Variants in MMS22L observed in about 807,000 individuals in gnomAD.
MMS22L encodes MMS22 like, DNA repair protein.
Under a neutral mutation model 159.1 loss-of-function variants are expected in MMS22L, and 74 were observed. That is an observed-to-expected ratio of 0.47 (90% CI 0.39 to 0.56). MMS22L has a LOEUF of 0.56. MMS22L is among the 20% of genes least tolerant of loss of function. The pLI is 0.00. For missense variants in MMS22L, 1,351 were observed against 1,422.1 expected (o/e 0.95, Z 0.80); for synonymous variants, 517 against 506.9 (o/e 1.02, Z -0.27).
intron 22 of MMS22L, among the ~76,000 whole-genome samples, chr6:97,159,191 C>G (rs1309297852): frequency 2.7e-5 from 4 of 150,816 alleles, no homozygotes; most frequent in Non-Finnish European, 5.9e-5. Context: ...TTATTTTGAG[C>G]CTTTGCACAT....
At chr6:97,188,399 C>T (rs1440956924) in intron 14 of MMS22L, among the ~76,000 whole-genome samples, 1 of 152,130 alleles carries the variant, frequency 6.6e-6, no homozygotes, top group African/African-American at 2.4e-5. Flanking sequence ...TGATCGACCT[C>T]TATATATGTG....
chr6:97,231,478 T>A lies in MMS22L; in HGVS notation c.1477A>T (p.Lys493Ter). Residue 493 changes from lysine (K) to a stop codon, truncating the protein, a stop_gained, in exon 13 of 25, where the codon AAA (lysine) becomes TAA (stop). Coordinates refer to ENST00000683635, the MANE Select transcript of MMS22L (RefSeq NM_001350599.2). LOFTEE classifies it high-confidence loss of function. ...IFLCILAKVV[K>*]KAMKSNGPHP... Reference sequence around the variant, plus strand: ...GGGCCATTGCTCTTCATTGCTTTTTTAACAACTTTTGCCAGAATACAAAGA... The same window carrying A: ...GGGCCATTGCTCTTCATTGCTTTTTAAACAACTTTTGCCAGAATACAAAGA... The A allele has an allele frequency of 6.2e-7, 1 of 1,613,844 alleles. No homozygotes were observed. Among genetic ancestry groups the A allele is most frequent in the Non-Finnish European group, 8.5e-7 (1 of 1,179,866 alleles).
intron 21 of MMS22L, among the ~76,000 whole-genome samples, chr6:97,162,369 C>T (rs1286191814): frequency 1.3e-5 from 2 of 151,958 alleles, no homozygotes; most frequent in Non-Finnish European, 2.9e-5. Context: ...CTGGTGTGTT[C>T]TGAGGGCCAA....
chr6:97,273,140 CCGG>C (rs1815921881), intron 4 of MMS22L, 78 bp from the exon 5 acceptor site: 1 of 1,107,710 alleles, frequency 9.0e-7, no homozygotes, highest in African/African-American at 1.6e-5. Context: ...GTAAGCCATA[CCGG>C]CAGCAATTCT....
At chr6:97,148,416 T>C (rs1165848577) in intron 24 of MMS22L, among the ~76,000 whole-genome samples, 2 of 152,148 alleles carry the variant, frequency 1.3e-5, no homozygotes, top group African/African-American at 2.4e-5. Context: ...GGCTTCCTTA[T>C]TGCAGGAGAC....
At chr6:97,174,577 G>A (rs1341689978) in intron 18 of MMS22L, among the ~76,000 whole-genome samples, 1 of 152,130 alleles carries the variant, frequency 6.6e-6, no homozygotes, top group Non-Finnish European at 1.5e-5. Context: ...AGGAAGTGAG[G>A]CCTTGGGAGA....
chr6:97,172,728 T>C (rs1247794218), intron 19 of MMS22L, among the ~76,000 whole-genome samples: 3 of 152,142 alleles, frequency 2.0e-5, no homozygotes, highest in Non-Finnish European at 4.4e-5. Flanking sequence ...ATTCTAACAA[T>C]AGATAAGCGT....
At chr6:97,215,114 A>ATATATT (rs1209431095) in intron 14 of MMS22L, among the ~76,000 whole-genome samples, 3 of 87,218 alleles carry the variant, frequency 3.4e-5, no homozygotes, top group South Asian at 3.9e-4. Flanking sequence ...ATATATATAT[A>ATATATT]TTTTTTTTTT....
chr6:97,278,316 T>A (rs1041877552), intron 4 of MMS22L, among the ~76,000 whole-genome samples: 5 of 150,332 alleles, frequency 3.3e-5, no homozygotes, highest in African/African-American at 1.2e-4. Flanking sequence ...GGCAGGAGAA[T>A]CACTTGAACC....
intron 10 of MMS22L, among the ~76,000 whole-genome samples, chr6:97,252,464 G>A (rs1332711336): frequency 6.6e-6 from 1 of 151,860 alleles, no homozygotes; most frequent in Non-Finnish European, 1.5e-5. Flanking sequence ...GGCCAACATG[G>A]TGAAACCCCA....
At chr6:97,234,452 AG>A (rs1283463028) in intron 11 of MMS22L, among the ~76,000 whole-genome samples, 1 of 152,180 alleles carries the variant, frequency 6.6e-6, no homozygotes, top group Non-Finnish European at 1.5e-5. Flanking sequence ...TTAACCTTTT[AG>A]GAGATAACAG....
At chr6:97,161,485 T>C (rs1005042529) in intron 22 of MMS22L, among the ~76,000 whole-genome samples, 2 of 151,974 alleles carry the variant, frequency 1.3e-5, no homozygotes, top group African/African-American at 4.8e-5. Context: ...GGATTACAGG[T>C]GTGAGCCATT....
intron 14 of MMS22L, among the ~76,000 whole-genome samples, chr6:97,189,300 C>T (rs1450164893): frequency 6.7e-6 from 1 of 148,998 alleles, no homozygotes; most frequent in African/African-American, 2.5e-5. Context: ...TGGCTTATAC[C>T]TCTAATCCCA....
intron 4 of MMS22L, among the ~76,000 whole-genome samples, chr6:97,274,605 T>C (rs1347101507): frequency 1.3e-5 from 2 of 151,940 alleles, no homozygotes; most frequent in African/African-American, 4.8e-5. Context: ...GTTTCCAGGC[T>C]TCAATATGAG....
chr6:97,240,516 A>T (rs552995383), intron 11 of MMS22L, among the ~76,000 whole-genome samples: 1 of 152,096 alleles, frequency 6.6e-6, no homozygotes, highest in Admixed American at 6.5e-5. Context: ...CACAACCAAT[A>T]GTCTTTGGGG....
At chr6:97,202,807 C>T (rs943124607) in intron 14 of MMS22L, among the ~76,000 whole-genome samples, 3 of 152,096 alleles carry the variant, frequency 2.0e-5, no homozygotes, top group Admixed American at 2.0e-4. Context: ...AAAGCACACA[C>T]AGAATTATTT....
intron 7 of MMS22L, among the ~76,000 whole-genome samples, chr6:97,269,438 A>C (rs1815496038): frequency 6.6e-6 from 1 of 152,188 alleles, no homozygotes; most frequent in East Asian, 1.9e-4. Flanking sequence ...ATATTTCTAT[A>C]CACAAGGGTG....
intron 6 of MMS22L, chr6:97,271,709 T>A (rs957767343): frequency 1.3e-5 from 2 of 152,214 alleles, no homozygotes; most frequent in African/African-American, 4.8e-5. Flanking sequence ...TCTTGCTCTG[T>A]CATCCAGGCT....
intron 11 of MMS22L, among the ~76,000 whole-genome samples, chr6:97,242,966 T>C (rs1359657571): frequency 6.6e-6 from 1 of 152,212 alleles, no homozygotes; most frequent in Non-Finnish European, 1.5e-5. Context: ...AGGTTTTCCT[T>C]TGTAGGTTAC....
Sources: gnomAD v4.1 joint callset for allele counts (sites outside exome capture counted in the v4.1 genomes callset) on GRCh38, gnomAD v4.1.1 for gene constraint, MANE v1.5 for transcripts, NCBI Gene and HGNC (gene_info 2026-07-23, HGNC 2026-07-21) for gene names.